The following CNTN1 variants were observed in gnomAD, a reference collection of about 807,000 sequenced individuals.
CNTN1 encodes the protein contactin 1, also known as contactin-1.
A neutral mutation model predicts 126.4 loss-of-function variants in CNTN1; 38 were observed. The observed-to-expected ratio is 0.30, with a 90% CI of 0.23 to 0.39. The LOEUF (loss-of-function observed/expected upper bound fraction) is 0.39. Among genes scored for constraint, CNTN1 ranks in the 10% least tolerant of loss-of-function variants. The pLI is 1.00. For missense variants in CNTN1, 1,009 were observed against 1,248.4 expected (o/e 0.81, Z 2.89); for synonymous variants, 413 against 422.6 (o/e 0.98, Z 0.28).
At position 40,930,018 on chromosome 12, in the gene CNTN1, G is replaced by C. The variant is rs896552364; in HGVS notation, c.703+16G>C. The stretch of plus-strand genomic sequence containing the variant: ...ATACCTGAACGTAAGTATTTTATTT[G>C]TTACACTCTGTTTTCGCAAGGTTAT... On this transcript the variant is annotated intron_variant, in intron 7 of 23. Coordinates refer to ENST00000551295, the MANE Select transcript of CNTN1 (RefSeq NM_001843.4). The C allele has an allele frequency of 6.3e-7, 1 of 1,578,670 alleles. No individual in the cohort carries two copies. The highest frequency in any genetic ancestry group is 8.7e-7 in the Non-Finnish European group (1 of 1,148,238).
intron 6 of CNTN1, 54 bp downstream of exon 6, chr12:40,924,706 T>TG: frequency 5.4e-6 from 5 of 923,990 alleles, no homozygotes; most frequent in Non-Finnish European, 9.0e-6. Context: ...ATGGACAAGT[T>TG]TCCATTTTCT....
In CNTN1 at chr12:41,058,059, G is replaced by A. The variant is rs114214759; in HGVS notation, c.2981-11900G>A. Among the ~76,000 whole-genome samples, 1,148 of 152,150 alleles carry A rather than the reference G, an allele frequency of 7.5e-3. 11 individuals are homozygous for A. The highest frequency in any genetic ancestry group is 0.027 in the African/African-American group (1,104 of 41,518). The stretch of plus-strand genomic sequence containing the variant: ...TTTATAGGAGTAGTGGCAGGAATAG[G>A]GAGTATAGAGGGAGAGAGAAGTGGT... On this transcript the variant is annotated intron_variant, in intron 23 of 23. Coordinates refer to ENST00000551295, the MANE Select transcript of CNTN1 (RefSeq NM_001843.4).
chr12:40,740,949 T>G (rs1472968675), intron 1 of CNTN1, among the ~76,000 whole-genome samples: 1 of 152,030 alleles, frequency 6.6e-6, no homozygotes, highest in South Asian at 2.1e-4. Flanking sequence ...TCTTTTTCCT[T>G]ATCAATTATT....
intron 16 of CNTN1, among the ~76,000 whole-genome samples, chr12:40,981,481 T>C (rs1947819697): frequency 6.6e-6 from 1 of 152,286 alleles, no homozygotes; most frequent in East Asian, 1.9e-4. Flanking sequence ...ACATTGATCA[T>C]AAATCTTAAA....
At chr12:40,838,439 T>A (rs1942150551) in intron 1 of CNTN1, among the ~76,000 whole-genome samples, 1 of 152,170 alleles carries the variant, frequency 6.6e-6, no homozygotes. Context: ...CTGCTGCCAC[T>A]ACTGGAATCT....
intron 17 of CNTN1, among the ~76,000 whole-genome samples, chr12:41,013,172 G>T (rs181357337): frequency 5.3e-5 from 8 of 152,222 alleles, no homozygotes; most frequent in Non-Finnish European, 1.0e-4. Flanking sequence ...GGGAAGGTTG[G>T]TCACTGTACC....
At chr12:40,718,767 G>A (rs544758994) in intron 1 of CNTN1, among the ~76,000 whole-genome samples, 1 of 152,282 alleles carries the variant, frequency 6.6e-6, no homozygotes, top group South Asian at 2.1e-4. Context: ...AAGTGATAGG[G>A]CTGGGATTCT....
chr12:40,759,774 AT>A lies in CNTN1; in HGVS notation c.-77+67201del, dbSNP rs33992864. Among the ~76,000 whole-genome samples, 735 of 133,544 alleles carry A rather than the reference AT, an allele frequency of 5.5e-3. 6 individuals are homozygous for A. The highest frequency in any genetic ancestry group is 0.018 in the South Asian group (73 of 4,148). The allele number at this position is 133,544 out of a possible 152,430, so 87.6% of individuals were successfully genotyped here. ...GTGAGCCACCTCACTTGGCCCAGAT[AT>A]TTTTTTTTTTTTTTTTTTCAAAAAG... On this transcript the variant is annotated intron_variant, in intron 1 of 23. Transcript: ENST00000551295.
At chr12:41,055,787 T>A (rs549075353) in intron 23 of CNTN1, among the ~76,000 whole-genome samples, 21 of 152,256 alleles carry the variant, frequency 1.4e-4, no homozygotes, top group Admixed American at 1.2e-3. Flanking sequence ...CATCTTTATC[T>A]ATAAGTTGGA....
chr12:40,720,450 T>C (rs577018002), intron 1 of CNTN1, among the ~76,000 whole-genome samples: 32 of 151,992 alleles, frequency 2.1e-4, no homozygotes, highest in Admixed American at 4.6e-4. Flanking sequence ...ACACGAGTCA[T>C]GCAGTACAAC....
intron 12 of CNTN1, among the ~76,000 whole-genome samples, chr12:40,940,882 A>G (rs552612852): frequency 7.5e-4 from 114 of 152,356 alleles, no homozygotes; most frequent in Admixed American, 1.4e-3. Context: ...ACAATGAGCA[A>G]TGCAGAGACC....
intron 14 of CNTN1, among the ~76,000 whole-genome samples, chr12:40,945,141 T>TA (rs1285521396): frequency 1.3e-5 from 2 of 152,092 alleles, no homozygotes; most frequent in Non-Finnish European, 2.9e-5. Context: ...AACATACCAA[T>TA]ACTCTTTCAG....
intron 20 of CNTN1, among the ~76,000 whole-genome samples, chr12:41,024,178 T>G (rs182481203): frequency 1.4e-4 from 21 of 152,302 alleles, no homozygotes; most frequent in Non-Finnish European, 2.9e-4. Context: ...GTTTCTTACA[T>G]GTTTATGTAA....
Position 40,706,373 on chromosome 12 carries a change from G to T in CNTN1, c.-77+13781G>T, listed in dbSNP as rs529556858. Among the ~76,000 whole-genome samples the T allele has an allele frequency of 2.7e-5, 4 of 149,658 alleles. No homozygotes were observed. In the South Asian group the frequency reaches 8.5e-4, roughly 32 times the overall value. ...TTCCTCCATGCCATTTTTCAGGAAG[G>T]TTCTCCTGGCCTGACTTCTCCCAGG... On this transcript the variant is annotated intron_variant, in intron 1 of 23. Coordinates refer to ENST00000551295, the MANE Select transcript of CNTN1 (RefSeq NM_001843.4).
intron 1 of CNTN1, among the ~76,000 whole-genome samples, chr12:40,814,048 T>A (rs780710069): frequency 2.6e-5 from 4 of 152,186 alleles, no homozygotes; most frequent in Non-Finnish European, 5.9e-5. Flanking sequence ...GTGCTGTTTG[T>A]CTTTTTCTTG....
chr12:40,800,477 ATTATCC>A (rs897617959), intron 1 of CNTN1, among the ~76,000 whole-genome samples: 4 of 151,982 alleles, frequency 2.6e-5, no homozygotes, highest in African/African-American at 9.7e-5. Context: ...GTGCTCTTTA[ATTATCC>A]TTATTAAAAA....
intron 15 of CNTN1, among the ~76,000 whole-genome samples, chr12:40,980,315 G>T (rs1447324532): frequency 6.6e-6 from 1 of 151,900 alleles, no homozygotes; most frequent in East Asian, 1.9e-4. Context: ...GTGTTGTGGA[G>T]TGCTTGTAGT....
In CNTN1 at chr12:41,063,853, T is replaced by C. The variant is rs112664531; in HGVS notation, c.2981-6106T>C. On this transcript the variant is annotated intron_variant, in intron 23 of 23. Transcript: ENST00000551295. ...ATACGTGATGTGAGCTAGGAGCTCATATCTCTCTTGAGAGAAGTCAGTCTG... is the reference window on the plus strand; with the variant it reads ...ATACGTGATGTGAGCTAGGAGCTCACATCTCTCTTGAGAGAAGTCAGTCTG... 4.1e-3 allele frequency among the ~76,000 whole-genome samples: 618 copies of C among 152,266 alleles called. 8 individuals carry two copies. Among genetic ancestry groups the C allele is most frequent in the African/African-American group, 0.014 (592 of 41,556 alleles).
chr12:41,067,642 G>A (rs1346361062), intron 23 of CNTN1, among the ~76,000 whole-genome samples: 3 of 149,182 alleles, frequency 2.0e-5, no homozygotes, highest in Non-Finnish European at 3.0e-5. Flanking sequence ...GGGAGGGATA[G>A]CATTGGGAGA....
Sources: allele counts gnomAD v4.1 joint callset (sites outside exome capture counted in the v4.1 genomes callset), GRCh38; gene constraint gnomAD v4.1.1; transcripts MANE v1.5; gene names NCBI Gene and HGNC (gene_info 2026-07-23, HGNC 2026-07-21).